Variants in FAM135A observed in about 807,000 individuals in gnomAD.
FAM135A encodes family with sequence similarity 135 member A.
Under a neutral mutation model 146.8 loss-of-function variants are expected in FAM135A, and 79 were observed. The ratio of observed to expected loss-of-function variants is 0.54; its 90% CI spans 0.45 to 0.65. The LOEUF (loss-of-function observed/expected upper bound fraction) is 0.65. Among genes scored for constraint, FAM135A ranks in the 30% least tolerant of loss-of-function variants. The pLI is 0.00. For synonymous variants in FAM135A, 562 were observed against 603.6 expected (o/e 0.93, Z 1.01); for missense variants, 1,623 against 1,758.2 (o/e 0.92, Z 1.38).
At chr6:70,472,773 T>C (rs1781863040) in intron 5 of FAM135A, among the ~76,000 whole-genome samples, 1 of 152,208 alleles carries the variant, frequency 6.6e-6, no homozygotes, top group South Asian at 2.1e-4. Flanking sequence ...TTTTTTAGAG[T>C]GTTCTTCAGT....
intron 20 of FAM135A, among the ~76,000 whole-genome samples, chr6:70,545,666 A>G (rs1798723935): frequency 6.6e-6 from 1 of 152,234 alleles, no homozygotes; most frequent in African/African-American, 2.4e-5. Flanking sequence ...TGCATTGGTT[A>G]ATACTAAAAT....
intron 4 of FAM135A, among the ~76,000 whole-genome samples, chr6:70,445,139 A>C (rs1250645891): frequency 6.9e-6 from 1 of 144,644 alleles, no homozygotes; most frequent in African/African-American, 2.9e-5. Context: ...ATACATAAAC[A>C]GGGGTGGTAA....
intron 12 of FAM135A, among the ~76,000 whole-genome samples, chr6:70,509,008 C>T (rs539684031): frequency 1.3e-5 from 2 of 152,242 alleles, no homozygotes; most frequent in Admixed American, 6.5e-5. Flanking sequence ...AAACATATGG[C>T]TTTACTTAAA....
At chr6:70,515,986 G>T (rs1372324690) in intron 12 of FAM135A, among the ~76,000 whole-genome samples, 1 of 151,932 alleles carries the variant, frequency 6.6e-6, no homozygotes, top group Non-Finnish European at 1.5e-5. Context: ...TTATCTTGGT[G>T]TCTCTTTCTA....
At chr6:70,432,971 CTT>C (rs1450538418) in intron 4 of FAM135A, among the ~76,000 whole-genome samples, 1 of 151,652 alleles carries the variant, frequency 6.6e-6, no homozygotes, top group Non-Finnish European at 1.5e-5. Flanking sequence ...AGTTTAAAAA[CTT>C]ATACAGTTTA....
intron 1 of FAM135A, 188 bp downstream of exon 1, chr6:70,413,890 C>T (rs62420324): frequency 2.6e-4 from 257 of 985,098 alleles, no homozygotes; most frequent in South Asian, 4.2e-4. Flanking sequence ...TCGGTGGGGA[C>T]GGCGGTGCGG....
intron 11 of FAM135A, among the ~76,000 whole-genome samples, chr6:70,498,243 T>C (rs1209939229): frequency 2.0e-5 from 3 of 152,220 alleles, no homozygotes; most frequent in Non-Finnish European, 4.4e-5. Flanking sequence ...TTCTTCCAGA[T>C]TTTCTAGTTT....
chr6:70,533,352 T>C, intron 17 of FAM135A, 101 bp downstream of exon 17: 1 of 730,532 alleles, frequency 1.4e-6, no homozygotes, highest in East Asian at 2.8e-5. Flanking sequence ...AGAAATAATT[T>C]TTCTGATTTC....
chr6:70,547,982 C>T lies in FAM135A; in HGVS notation c.4229-8768C>T, dbSNP rs528170467. ...TATTCACCCACGGACTAGTTAACTA[C>T]GTTGTCTTTGAGAAGCTAGAATCAA... On this transcript the variant is annotated intron_variant, in intron 20 of 21. Transcript: ENST00000418814. Among the ~76,000 whole-genome samples the T allele has an allele frequency of 6.6e-5, 10 of 152,310 alleles. No homozygotes were observed. The South Asian group carries it at 1.7e-3, about 25-fold the overall frequency.
chr6:70,482,970 T>C (rs903174462), intron 10 of FAM135A, among the ~76,000 whole-genome samples: 2 of 152,170 alleles, frequency 1.3e-5, no homozygotes, highest in East Asian at 1.9e-4. Context: ...TTAAAATTTA[T>C]TGAATCTGTA....
At chr6:70,442,238 G>GTT (rs147268217) in intron 4 of FAM135A, among the ~76,000 whole-genome samples, 4,479 of 136,296 alleles carry the variant, frequency 0.033, 309 homozygotes, top group African/African-American at 0.1. Flanking sequence ...TTTCTTCATG[G>GTT]GTTTTTTTTT....
At chr6:70,518,513 T>C (rs778960205) in intron 12 of FAM135A, among the ~76,000 whole-genome samples, 4 of 152,192 alleles carry the variant, frequency 2.6e-5, no homozygotes, top group Non-Finnish European at 4.4e-5. Context: ...TAAAACAGCC[T>C]TCTAGTAGAA....
At chr6:70,471,720 T>G (rs1781651772) in intron 5 of FAM135A, among the ~76,000 whole-genome samples, 1 of 152,082 alleles carries the variant, frequency 6.6e-6, no homozygotes, top group African/African-American at 2.4e-5. Flanking sequence ...ACCCTTGAAC[T>G]TAAAAGTTGC....
At chr6:70,432,806 A>G (rs1161379123) in intron 4 of FAM135A, among the ~76,000 whole-genome samples, 1 of 151,370 alleles carries the variant, frequency 6.6e-6, no homozygotes, top group Non-Finnish European at 1.5e-5. Flanking sequence ...TTTTCCTTAT[A>G]ATTCTCTTTA....
At position 70,525,214 on chromosome 6, in the gene FAM135A, A is replaced by T. The variant is rs1338008215; in HGVS notation, c.2130A>T (p.Ile710=). 4 of 1,598,068 alleles carry T rather than the reference A, an allele frequency of 2.5e-6. No individual in the cohort carries two copies. Among genetic ancestry groups the T allele is most frequent in the Non-Finnish European group, 3.4e-6 (4 of 1,174,736 alleles). ...ATGGTAAATCTAAATCTATAGAAAT[A>T]ACATTTGAAAAGGAAGCTTTGCAAG... is the stretch of plus-strand genomic sequence containing the variant. The part of the protein sequence containing the change: ...ESNGKSKSIE[I]TFEKEALQEA... Residue 710 remains isoleucine (I), a synonymous_variant, in exon 15 of 22, where the codon ATA becomes ATT. Coordinates refer to ENST00000418814, the MANE Select transcript of FAM135A (RefSeq NM_001162529.3).
At chr6:70,486,083 A>G (rs1784575193) in intron 10 of FAM135A, 5 of 1,121,264 alleles carry the variant, frequency 4.5e-6, no homozygotes, top group South Asian at 2.8e-5. Context: ...CACTAAGTCT[A>G]TTATTAACAA....
rs557059332 is a variant in FAM135A, at chr6:70,413,597, G to T, written c.-325G>T. On this transcript the variant is annotated 5_prime_UTR_variant, in exon 1 of 22. Coordinates refer to ENST00000418814, the MANE Select transcript of FAM135A (RefSeq NM_001162529.3). Reference sequence around the variant, plus strand: ...CGGTTGCTGTGATGGCGATGTGAGGGGGCCCGGGGCGGGATGGTGCTGACC... The same window carrying T: ...CGGTTGCTGTGATGGCGATGTGAGGTGGCCCGGGGCGGGATGGTGCTGACC... The T allele has an allele frequency of 1.2e-4, 20 of 162,276 alleles. No individual in the cohort carries two copies. The highest frequency in any genetic ancestry group is 9.1e-4 in the Admixed American group (14 of 15,320). The allele number at this position is 162,276 out of a possible 1,614,324, so 10.1% of individuals were successfully genotyped here.
chr6:70,448,007 TATA>T (rs35635855), intron 4 of FAM135A, among the ~76,000 whole-genome samples: 21,110 of 152,064 alleles, frequency 0.14, 1,872 homozygotes, highest in Middle Eastern at 0.23. Flanking sequence ...CAAATGTAGC[TATA>T]ATATTTCCCT....
intron 10 of FAM135A, among the ~76,000 whole-genome samples, chr6:70,490,490 A>G (rs900951369): frequency 6.6e-6 from 1 of 152,078 alleles, no homozygotes; most frequent in African/African-American, 2.4e-5. Flanking sequence ...TATCTGCCTC[A>G]GTTTAAGAAT....
Sources: allele counts gnomAD v4.1 joint callset (sites outside exome capture counted in the v4.1 genomes callset), GRCh38; gene constraint gnomAD v4.1.1; transcripts MANE v1.5; gene names NCBI Gene and HGNC (gene_info 2026-07-23, HGNC 2026-07-21).